KCTD8: variants seen among roughly 807,000 people sequenced by gnomAD.
KCTD8 encodes the protein potassium channel tetramerization domain containing 8.
Under a neutral mutation model 31.5 loss-of-function variants are expected in KCTD8, and 27 were observed. The ratio of observed to expected loss-of-function variants is 0.86; its 90% CI spans 0.63 to 1.18. The LOEUF (loss-of-function observed/expected upper bound fraction) is 1.18, where lower values mean the gene tolerates loss of function less well. Among genes scored for constraint, KCTD8 ranks in the 50% most tolerant of loss-of-function variants. KCTD8 has a pLI of 0.00. For missense variants in KCTD8, 658 were observed against 647.7 expected (o/e 1.02, Z -0.17); for synonymous variants, 290 against 280.0 (o/e 1.04, Z -0.36).
chr4:44,200,319 A>G (rs1714100916), intron 1 of KCTD8, among the ~76,000 whole-genome samples: 1 of 151,988 alleles, frequency 6.6e-6, no homozygotes, highest in Non-Finnish European at 1.5e-5. Flanking sequence ...TGAAGCCAGT[A>G]TCATCCTGAC....
chr4:44,399,627 A>G (rs763282166), intron 1 of KCTD8, among the ~76,000 whole-genome samples: 3 of 152,218 alleles, frequency 2.0e-5, no homozygotes, highest in Non-Finnish European at 4.4e-5. Flanking sequence ...AGGGTATCCA[A>G]TAAAGCAAGA....
intron 1 of KCTD8, among the ~76,000 whole-genome samples, chr4:44,276,613 T>C (rs62304823): frequency 0.23 from 34,857 of 151,856 alleles, 4,761 homozygotes; most frequent in Non-Finnish European, 0.31. Flanking sequence ...AACTCTATCA[T>C]TCTATATAAC....
chr4:44,447,062 C>A (rs918856393), intron 1 of KCTD8, among the ~76,000 whole-genome samples: 2 of 152,208 alleles, frequency 1.3e-5, no homozygotes, highest in Non-Finnish European at 1.5e-5. Flanking sequence ...GGCTCCCGCG[C>A]GGCAGCTGCA....
intron 1 of KCTD8, among the ~76,000 whole-genome samples, chr4:44,288,505 TTGACA>T (rs765213613): frequency 1.4e-4 from 21 of 152,124 alleles, no homozygotes; most frequent in Non-Finnish European, 2.8e-4. Context: ...AACTTTGAGT[TTGACA>T]TGGTTATAAT....
intron 1 of KCTD8, among the ~76,000 whole-genome samples, chr4:44,221,004 G>T (rs534402944): frequency 5.9e-5 from 9 of 152,174 alleles, no homozygotes; most frequent in African/African-American, 1.9e-4. Flanking sequence ...CTGATATGAG[G>T]TCTCATTGTA....
intron 1 of KCTD8, among the ~76,000 whole-genome samples, chr4:44,366,793 T>C (rs1156779131): frequency 1.3e-5 from 2 of 152,172 alleles, no homozygotes; most frequent in African/African-American, 4.8e-5. Flanking sequence ...ACTACCCTTC[T>C]GTCATTTGTA....
At chr4:44,253,430 C>T (rs1329734542) in intron 1 of KCTD8, among the ~76,000 whole-genome samples, 1 of 151,794 alleles carries the variant, frequency 6.6e-6, no homozygotes, top group Non-Finnish European at 1.5e-5. Flanking sequence ...GTGGCTATCT[C>T]ACTGATGGTG....
At chr4:44,427,400 A>G (rs1721375551) in intron 1 of KCTD8, among the ~76,000 whole-genome samples, 1 of 151,516 alleles carries the variant, frequency 6.6e-6, no homozygotes, top group East Asian at 1.9e-4. Flanking sequence ...AGAAAAAAGA[A>G]AGAAAAAGTG....
rs35927939 is a variant in KCTD8 at position 44,366,663 on chromosome 4, TAGCAGC to T, written c.961+80894_961+80899del. 5.3e-5 allele frequency among the ~76,000 whole-genome samples: 8 copies of T among 151,718 alleles called. No homozygotes were observed. The East Asian group carries it at 5.8e-4, about 11-fold the overall frequency. On this transcript the variant is annotated intron_variant, in intron 1 of 1. Coordinates refer to ENST00000360029, the MANE Select transcript of KCTD8 (RefSeq NM_198353.3). ...TGCGGATTAGCCTACTTCATCAAAT[TAGCAGC>T]AGCAGCAGCAGCAGCATCAATATTG...
At chr4:44,254,788 A>G (rs551756844) in intron 1 of KCTD8, among the ~76,000 whole-genome samples, 2 of 151,992 alleles carry the variant, frequency 1.3e-5, no homozygotes, top group Middle Eastern at 3.4e-3. Flanking sequence ...GTTGCTTTAA[A>G]TATTTTATGC....
intron 1 of KCTD8, among the ~76,000 whole-genome samples, chr4:44,265,139 C>A (rs1490357127): frequency 6.6e-6 from 1 of 152,082 alleles, no homozygotes; most frequent in African/African-American, 2.4e-5. Flanking sequence ...TAGGAGGCAC[C>A]CCCCAGTAGG....
At chr4:44,268,086 A>G (rs1270570747) in intron 1 of KCTD8, among the ~76,000 whole-genome samples, 5 of 152,150 alleles carry the variant, frequency 3.3e-5, no homozygotes, top group Non-Finnish European at 7.3e-5. Flanking sequence ...CAGAGACACA[A>G]CCAAAAAAGA....
intron 1 of KCTD8, among the ~76,000 whole-genome samples, chr4:44,236,689 C>A (rs1270434884): frequency 6.6e-6 from 1 of 151,946 alleles, no homozygotes; most frequent in East Asian, 1.9e-4. Context: ...CATGGAGGAC[C>A]AAGAGGATGA....
Position 44,265,759 on chromosome 4 carries a change from G to A in KCTD8, c.962-90509C>T, listed in dbSNP as rs373614227. ...TACGTGAAGAATGCAGAAGCCTCAG[G>A]AGCCGACGCAATCAACTGGAAGAAA... On this transcript the variant is annotated intron_variant, in intron 1 of 1. Coordinates refer to ENST00000360029, the MANE Select transcript of KCTD8 (RefSeq NM_198353.3). Among the ~76,000 whole-genome samples, 488 of 152,262 alleles carry A rather than the reference G, an allele frequency of 3.2e-3. 14 individuals carry two copies. The East Asian group carries it at 0.07, about 22-fold the overall frequency.
At chr4:44,303,639 A>C (rs1304630554) in intron 1 of KCTD8, among the ~76,000 whole-genome samples, 1 of 151,858 alleles carries the variant, frequency 6.6e-6, no homozygotes, top group Non-Finnish European at 1.5e-5. Context: ...AACATAGCAA[A>C]ATCCCATCTC....
intron 1 of KCTD8, among the ~76,000 whole-genome samples, chr4:44,372,732 G>A (rs1008582064): frequency 2.0e-5 from 3 of 152,096 alleles, no homozygotes; most frequent in Non-Finnish European, 4.4e-5. Context: ...GTCTTTCCAG[G>A]CAGAGATTTG....
rs76233404 is a variant in KCTD8 at position 44,212,905 on chromosome 4, A to G, written c.962-37655T>C. 0.01 allele frequency among the ~76,000 whole-genome samples: 1,580 copies of G among 151,576 alleles called. 59 individuals carry two copies. The East Asian group carries it at 0.14, about 13-fold the overall frequency. On this transcript the variant is annotated intron_variant, in intron 1 of 1. Coordinates refer to ENST00000360029, the MANE Select transcript of KCTD8 (RefSeq NM_198353.3). ...TTACTTTGTTTCACTTTTCCTTTGC[A>G]TTCACTCTTCTTTTGTCTTTGTTTT...
intron 1 of KCTD8, among the ~76,000 whole-genome samples, chr4:44,439,215 T>G (rs1577672776): frequency 6.6e-6 from 1 of 152,134 alleles, no homozygotes; most frequent in African/African-American, 2.4e-5. Context: ...TCTCAAGATT[T>G]TTGATATTGT....
intron 1 of KCTD8, among the ~76,000 whole-genome samples, chr4:44,396,068 C>T (rs944704220): frequency 6.6e-6 from 1 of 152,014 alleles, no homozygotes; most frequent in Non-Finnish European, 1.5e-5. Flanking sequence ...GAGCCCTGAG[C>T]TTGTTTTCCT....
Sources: gnomAD v4.1 joint callset for allele counts (sites outside exome capture counted in the v4.1 genomes callset) on GRCh38, gnomAD v4.1.1 for gene constraint, MANE v1.5 for transcripts, NCBI Gene and HGNC (gene_info 2026-07-23, HGNC 2026-07-21) for gene names.